The following CISD1 variants were observed in gnomAD, a reference collection of about 807,000 sequenced individuals.
CISD1 encodes CDGSH iron-sulfur domain-containing protein 1.
A neutral mutation model predicts 12.0 loss-of-function variants in CISD1; 8 were observed. The ratio of observed to expected loss-of-function variants is 0.67; its 90% CI spans 0.39 to 1.20. The LOEUF (loss-of-function observed/expected upper bound fraction) is 1.20, where lower values mean the gene tolerates loss of function less well. CISD1 is among the 50% of genes most tolerant of loss of function. CISD1 has a pLI of 0.01. For missense variants in CISD1, 107 were observed against 132.7 expected (o/e 0.81, Z 0.95); for synonymous variants, 38 against 42.2 (o/e 0.90, Z 0.39).
At chr10:58,279,431 T>G (rs1394605611) in intron 2 of CISD1, among the ~76,000 whole-genome samples, 1 of 152,150 alleles carries the variant, frequency 6.6e-6, no homozygotes, top group East Asian at 1.9e-4. Flanking sequence ...CAGATAAGGA[T>G]TACTCAACCC....
At chr10:58,269,783 A>C (rs139350733) in intron 1 of CISD1, among the ~76,000 whole-genome samples, 1 of 152,284 alleles carries the variant, frequency 6.6e-6, no homozygotes, top group African/African-American at 2.4e-5. Flanking sequence ...TTAAGGGATG[A>C]AACGCAATCC....
chr10:58,283,370 A>T (rs1839394124), intron 2 of CISD1, among the ~76,000 whole-genome samples: 1 of 152,194 alleles, frequency 6.6e-6, no homozygotes, highest in Non-Finnish European at 1.5e-5. Context: ...GTACATAAGA[A>T]TGGTATAAAA....
chr10:58,286,793 G>A (rs1839434336), intron 2 of CISD1, among the ~76,000 whole-genome samples: 1 of 152,138 alleles, frequency 6.6e-6, no homozygotes, highest in African/African-American at 2.4e-5. Flanking sequence ...CTAGAAGAAA[G>A]CTGTCTCCAT....
chr10:58,269,197 C>A lies in CISD1; in HGVS notation c.-77C>A, dbSNP rs1588978156. On this transcript the variant is annotated 5_prime_UTR_variant, in exon 1 of 3. Transcript: ENST00000333926. ...AGTCGGTGCTTTAGTACGCCGCTGG[C>A]ACCTTTACTCTCGCCGGCCGCGCGA... is the stretch of plus-strand genomic sequence containing the variant. 1 of 1,479,850 alleles carries A rather than the reference C, an allele frequency of 6.8e-7. No homozygotes were observed. The highest frequency in any genetic ancestry group is 9.3e-7 in the Non-Finnish European group (1 of 1,071,074). 91.7% of individuals were successfully genotyped at this position (1,479,850 alleles called of 1,614,324 possible). A position where few individuals can be genotyped will look rare whatever the true frequency, so the allele number is the denominator to read the frequency against.
chr10:58,269,596 T>TA (rs1839218656), intron 1 of CISD1, among the ~76,000 whole-genome samples: 1 of 152,182 alleles, frequency 6.6e-6, no homozygotes, highest in Admixed American at 6.5e-5. Flanking sequence ...TGTTCACCCC[T>TA]AAGACGCTTT....
chr10:58,278,759 A>C (rs544246499), intron 2 of CISD1, among the ~76,000 whole-genome samples: 21 of 152,330 alleles, frequency 1.4e-4, no homozygotes, highest in African/African-American at 4.1e-4. Context: ...GAAATGCTCA[A>C]AAATTTGAAA....
chr10:58,274,612 A>G (rs1326226393), intron 1 of CISD1, among the ~76,000 whole-genome samples: 1 of 151,866 alleles, frequency 6.6e-6, no homozygotes, highest in Non-Finnish European at 1.5e-5. Flanking sequence ...GTACTGTGAC[A>G]TTGGCATAGG....
At chr10:58,271,041 C>CTTTTTTTTTTTTTTTTTTTTT (rs752640135) in intron 1 of CISD1, among the ~76,000 whole-genome samples, 1 of 112,646 alleles carries the variant, frequency 8.9e-6, no homozygotes, top group African/African-American at 4.7e-5. Flanking sequence ...GTTGCCATGA[C>CTTTTTTTTTTTTTTTTTTTTT]TATTTTTTTT....
At chr10:58,278,973 T>G (rs1008528873) in intron 2 of CISD1, among the ~76,000 whole-genome samples, 1 of 152,218 alleles carries the variant, frequency 6.6e-6, no homozygotes, top group Non-Finnish European at 1.5e-5. Context: ...ACTTTTTTTG[T>G]TAACTGAATT....
Position 58,277,199 on chromosome 10 carries a change from T to G in CISD1, c.114T>G (p.Asp38Glu), listed in dbSNP as rs960420890. ...YLAYKRFYVK[D>E]HRNKAMINLH... ...CTTACAAAAGATTTTATGTTAAAGA[T>G]CATCGAAATAAAGCTATGATAAACC... Residue 38 changes from aspartate (D) to glutamate (E), a missense_variant, in exon 2 of 3, where the codon GAT becomes GAG. Coordinates refer to ENST00000333926, the MANE Select transcript of CISD1 (RefSeq NM_018464.5). 3 of 1,612,944 alleles carry G rather than the reference T, an allele frequency of 1.9e-6. No homozygotes were observed. The highest frequency in any genetic ancestry group is 2.7e-5 in the African/African-American group (2 of 74,840).
chr10:58,273,083 A>G (rs769022491), intron 1 of CISD1, among the ~76,000 whole-genome samples: 7 of 151,986 alleles, frequency 4.6e-5, no homozygotes, highest in Non-Finnish European at 1.0e-4. Context: ...TATATACCTG[A>G]AGTTTTTTGT....
intron 1 of CISD1, among the ~76,000 whole-genome samples, chr10:58,269,895 C>A (rs1274591576): frequency 6.6e-6 from 1 of 152,166 alleles, no homozygotes; most frequent in African/African-American, 2.4e-5. Context: ...GTTGAACCTT[C>A]AGCTTTCTGA....
chr10:58,278,303 T>G (rs1341344116), intron 2 of CISD1, among the ~76,000 whole-genome samples: 1 of 151,990 alleles, frequency 6.6e-6, no homozygotes, highest in Non-Finnish European at 1.5e-5. Flanking sequence ...TTTGGGTGGT[T>G]GAGGCAGATC....
At chr10:58,274,783 C>T (rs1400341413) in intron 1 of CISD1, among the ~76,000 whole-genome samples, 2 of 151,862 alleles carry the variant, frequency 1.3e-5, no homozygotes, top group African/African-American at 2.4e-5. Flanking sequence ...TGTCCTGTCT[C>T]CCACCATCAC....
At chr10:58,269,968 A>G (rs1839225940) in intron 1 of CISD1, among the ~76,000 whole-genome samples, 1 of 152,220 alleles carries the variant, frequency 6.6e-6, no homozygotes, top group African/African-American at 2.4e-5. Flanking sequence ...AAGTCCCGTT[A>G]TAATAAAATT....
Position 58,273,142 on chromosome 10 carries a change from AC to A in CISD1, c.31+3841del, listed in dbSNP as rs1839268496. Among the ~76,000 whole-genome samples, 5 of 152,244 alleles carry A rather than the reference AC, an allele frequency of 3.3e-5. No individual in the cohort carries two copies. The South Asian group carries it at 1.0e-3, about 32-fold the overall frequency. On this transcript the variant is annotated intron_variant, in intron 1 of 2. Coordinates refer to ENST00000333926, the MANE Select transcript of CISD1 (RefSeq NM_018464.5). ...ATATGTATCAGGGAGTAAATTCCACACCCTGATACAGCAGGTTAAGAAGAAG... is the reference window on the plus strand; with the variant it reads ...ATATGTATCAGGGAGTAAATTCCACACCTGATACAGCAGGTTAAGAAGAAG...
intron 1 of CISD1, among the ~76,000 whole-genome samples, chr10:58,272,218 T>G (rs1588979383): frequency 7.6e-6 from 1 of 132,250 alleles, no homozygotes; most frequent in African/African-American, 3.4e-5. Context: ...TAATTCACCC[T>G]CATCTTTAAA....
chr10:58,276,985 AT>A (rs750367255), intron 1 of CISD1, 131 bp from the exon 2 acceptor site: 6 of 608,320 alleles, frequency 9.9e-6, no homozygotes, highest in Non-Finnish European at 1.7e-5. Context: ...TTTTCTGATC[AT>A]TTTGTTAACA....
chr10:58,271,872 A>T (rs1839253792), intron 1 of CISD1, among the ~76,000 whole-genome samples: 1 of 152,216 alleles, frequency 6.6e-6, no homozygotes, highest in Non-Finnish European at 1.5e-5. Context: ...AGCTCTTGAT[A>T]CCAGTATGGT....
Sources: allele counts gnomAD v4.1 joint callset (sites outside exome capture counted in the v4.1 genomes callset), GRCh38; gene constraint gnomAD v4.1.1; transcripts MANE v1.5; gene names NCBI Gene and HGNC (gene_info 2026-07-23, HGNC 2026-07-21).